Variants in LZTFL1 observed in about 807,000 individuals in gnomAD.
LZTFL1 encodes the protein leucine zipper transcription factor like 1.
LZTFL1 carries 25 observed loss-of-function variants against 45.9 expected under a neutral mutation model. The observed-to-expected ratio is 0.54, with a 90% confidence interval of 0.40 to 0.76. The LOEUF is 0.76. Ranked by LOEUF, LZTFL1 falls within the 30% of genes least tolerant of loss-of-function variation. LZTFL1 has a pLI of 0.00. For synonymous variants in LZTFL1, 93 were observed against 117.4 expected (o/e 0.79, Z 1.35); for missense variants, 277 against 331.1 (o/e 0.84, Z 1.27).
At chr3:45,906,696 C>T (rs1333692023) in intron 2 of LZTFL1, among the ~76,000 whole-genome samples, 1 of 152,226 alleles carries the variant, frequency 6.6e-6, no homozygotes, top group African/African-American at 2.4e-5. Context: ...CTAGCTGCTA[C>T]CTCTCCCAGG....
chr3:45,900,409 A>G lies in LZTFL1; in HGVS notation c.-215+12711T>C, dbSNP rs1007965288. Among the ~76,000 whole-genome samples the G allele has an allele frequency of 2.0e-5, 3 of 152,128 alleles. No homozygotes were observed. The highest frequency in any genetic ancestry group is 7.2e-5 in the African/African-American group (3 of 41,404). ...AAACTGAATAGATAGGAGAAGTACG[A>G]TCACAGTCATATCACAGTTTGATAA... On this transcript the variant is annotated intron_variant, in intron 2 of 4. Transcript: ENST00000472635. This position sits in a 1 kb window ranked among gnomAD's most constrained non-coding sequence, Gnocchi z 4.7.
In LZTFL1 at chr3:45,901,542, GC is replaced by G; in HGVS notation, c.-215+11577del. On this transcript the variant is annotated intron_variant, in intron 2 of 4. Transcript: ENST00000472635. This position sits in a 1 kb window ranked among gnomAD's most constrained non-coding sequence, Gnocchi z 4.3. ...AGCCAAGAAGTCTTCCAAGCACAAA[GC>G]CCTAAAAGTGACCATCACTGTCCTG... 1 of 1,614,142 alleles carries G rather than the reference GC, an allele frequency of 6.2e-7. No individual in the cohort carries two copies. Among genetic ancestry groups the G allele is most frequent in the South Asian group, 1.1e-5 (1 of 91,084 alleles).
At chr3:45,888,430 A>G (rs1702049420) in intron 2 of LZTFL1, among the ~76,000 whole-genome samples, 1 of 152,204 alleles carries the variant, frequency 6.6e-6, no homozygotes, top group African/African-American at 2.4e-5. Flanking sequence ...ATTTGCAGCC[A>G]TGACTTACTC....
chr3:45,901,940 G>A lies in LZTFL1; in HGVS notation c.-215+11180C>T. The A allele has an allele frequency of 1.3e-6, 2 of 1,496,224 alleles. No homozygotes were observed. Among genetic ancestry groups the A allele is most frequent in the Non-Finnish European group, 1.8e-6 (2 of 1,112,116 alleles). 92.7% of individuals were successfully genotyped at this position (1,496,224 alleles called of 1,614,324 possible). A position where few individuals can be genotyped will look rare whatever the true frequency, so the allele number is the denominator to read the frequency against. On this transcript the variant is annotated intron_variant, in intron 2 of 4. Coordinates refer to the LZTFL1 transcript ENST00000472635. This position sits in a 1 kb window ranked among gnomAD's most constrained non-coding sequence, Gnocchi z 4.3. ...TGCATGGTTCTTTTGGAAGAAATGAGAAATACAGAAACAGTTTCCCCACTG... is the reference window on the plus strand; with the variant it reads ...TGCATGGTTCTTTTGGAAGAAATGAAAAATACAGAAACAGTTTCCCCACTG...
intron 2 of LZTFL1, chr3:45,883,704 GA>G: frequency 3.5e-6 from 2 of 573,992 alleles, no homozygotes; most frequent in South Asian, 2.3e-5. Flanking sequence ...GCAAAGCCCA[GA>G]AAAGGCTAAA....
chr3:45,875,299 A>G (rs1701732497), intron 2 of LZTFL1, among the ~76,000 whole-genome samples: 1 of 152,192 alleles, frequency 6.6e-6, no homozygotes, highest in African/African-American at 2.4e-5. Context: ...TAAGTGCAAA[A>G]TCAGTTTTGA....
intron 2 of LZTFL1, among the ~76,000 whole-genome samples, chr3:45,911,222 T>C (rs1382123669): frequency 6.6e-6 from 1 of 152,040 alleles, no homozygotes; most frequent in Non-Finnish European, 1.5e-5. Context: ...ATTGGAAGGG[T>C]GTCAAATAAC....
At chr3:45,872,763 G>C (rs1212350753) in intron 2 of LZTFL1, among the ~76,000 whole-genome samples, 1 of 152,218 alleles carries the variant, frequency 6.6e-6, no homozygotes, top group Non-Finnish European at 1.5e-5. Flanking sequence ...TAGATAGTTG[G>C]TGGCTGTGGT....
rs1368501370 is a variant in LZTFL1, at chr3:45,900,611, T to A, written c.-215+12509A>T. Among the ~76,000 whole-genome samples, 1 of 152,184 alleles carries A rather than the reference T, an allele frequency of 6.6e-6. No homozygotes were observed. The highest frequency in any genetic ancestry group is 1.9e-4 in the East Asian group (1 of 5,198). On this transcript the variant is annotated intron_variant, in intron 2 of 4. Transcript: ENST00000472635. This position sits in a 1 kb window ranked among gnomAD's most constrained non-coding sequence, Gnocchi z 4.7. ...TTGGCACATAGCACAGTAGCCAACA[T>A]ACAGTATGTGCTTAATAAACATCTG... is the stretch of plus-strand genomic sequence containing the variant.
At chr3:45,874,958 A>G (rs1220605041) in intron 2 of LZTFL1, among the ~76,000 whole-genome samples, 1 of 152,212 alleles carries the variant, frequency 6.6e-6, no homozygotes, top group African/African-American at 2.4e-5. Context: ...CTGGCTACAA[A>G]CACCTGGGCT....
intron 2 of LZTFL1, among the ~76,000 whole-genome samples, chr3:45,896,253 T>C (rs1280068397): frequency 6.6e-6 from 1 of 152,230 alleles, no homozygotes; most frequent in Non-Finnish European, 1.5e-5. Flanking sequence ...TTGCCAGTCA[T>C]TTGCTTTTAT....
intron 2 of LZTFL1, among the ~76,000 whole-genome samples, chr3:45,903,605 C>T (rs1445540428): frequency 6.6e-6 from 1 of 152,214 alleles, no homozygotes; most frequent in African/African-American, 2.4e-5. Flanking sequence ...CCATTTCACC[C>T]TTTTTCTCCC....
At chr3:45,915,679 G>A, upstream of LZTFL1, 1 of 348,600 alleles carries the variant, frequency 2.9e-6, no homozygotes, top group Non-Finnish European at 5.8e-6. Flanking sequence ...TTTAGATGGG[G>A]CTGTCAACTC....
chr3:45,840,137 C>G (rs2125692698), intron 1 of LZTFL1, among the ~76,000 whole-genome samples: 1 of 152,284 alleles, frequency 6.6e-6, no homozygotes, highest in Non-Finnish European at 1.5e-5. Flanking sequence ...ATTCCTTTCC[C>G]TCCTTTCAAG....
intron 7 of LZTFL1, 145 bp downstream of exon 7, chr3:45,830,768 A>C (rs1700791482): frequency 1.4e-6 from 1 of 697,070 alleles, no homozygotes; most frequent in African/African-American, 1.8e-5. Flanking sequence ...TGGGGGCAAG[A>C]ATGTCCCAAC....
intron 2 of LZTFL1, among the ~76,000 whole-genome samples, chr3:45,909,205 T>C (rs1044971174): frequency 6.6e-6 from 1 of 152,194 alleles, no homozygotes; most frequent in Non-Finnish European, 1.5e-5. Context: ...TCATTATACA[T>C]TACAATGTAA....
At chr3:45,866,840 T>A (rs953797700) in intron 2 of LZTFL1, among the ~76,000 whole-genome samples, 6 of 152,178 alleles carry the variant, frequency 3.9e-5, no homozygotes, top group Admixed American at 1.3e-4. Flanking sequence ...GGTTTTACAT[T>A]GTGTAGCTAA....
chr3:45,874,451 C>T (rs1257850570), intron 2 of LZTFL1, among the ~76,000 whole-genome samples: 2 of 152,164 alleles, frequency 1.3e-5, no homozygotes, highest in Non-Finnish European at 2.9e-5. Flanking sequence ...ATAACTTCTT[C>T]TTAGGGGATG....
intron 4 of LZTFL1, among the ~76,000 whole-genome samples, chr3:45,849,062 G>T (rs1701267688): frequency 1.3e-5 from 2 of 152,192 alleles, no homozygotes; most frequent in Admixed American, 1.3e-4. Context: ...TCTATCGGTT[G>T]TTGGGAGAAC....
Sources: allele counts gnomAD v4.1 joint callset (sites outside exome capture counted in the v4.1 genomes callset), GRCh38; gene constraint gnomAD v4.1.1; non-coding constraint Gnocchi (gnomAD v3.1); transcripts MANE v1.5; gene names NCBI Gene and HGNC (gene_info 2026-07-23, HGNC 2026-07-21).